The following CCDC170 variants were observed in gnomAD, a reference collection of about 807,000 sequenced individuals.
CCDC170 encodes the protein coiled-coil domain-containing protein 170.
In CCDC170, 69 loss-of-function variants were observed where a neutral mutation model predicts 72.6. The observed-to-expected ratio is 0.95, with a 90% CI of 0.78 to 1.16. The LOEUF (loss-of-function observed/expected upper bound fraction) is 1.16. Among genes scored for constraint, CCDC170 ranks in the 50% most tolerant of loss-of-function variants. CCDC170 has a pLI of 0.00. For synonymous variants in CCDC170, 300 were observed against 303.9 expected (o/e 0.99, Z 0.13); for missense variants, 852 against 832.5 (o/e 1.02, Z -0.29).
At chr6:151,576,691 T>C (rs575781693) in intron 6 of CCDC170, among the ~76,000 whole-genome samples, 1 of 152,288 alleles carries the variant, frequency 6.6e-6, no homozygotes, top group East Asian at 1.9e-4. Context: ...AAATCAAGCA[T>C]ATAGCTGGTG....
chr6:151,568,428 G>C (rs976436010), intron 5 of CCDC170, among the ~76,000 whole-genome samples: 2 of 152,186 alleles, frequency 1.3e-5, no homozygotes, highest in African/African-American at 2.4e-5. Flanking sequence ...AGTTTGGGAA[G>C]GGGGGAATGG....
chr6:151,591,900 A>C (rs763664120), intron 7 of CCDC170, among the ~76,000 whole-genome samples: 5 of 152,190 alleles, frequency 3.3e-5, no homozygotes, highest in Non-Finnish European at 4.4e-5. Flanking sequence ...TTGAGTTTGG[A>C]GTGCTCTGTA....
intron 7 of CCDC170, among the ~76,000 whole-genome samples, chr6:151,591,947 G>T (rs1275647283): frequency 6.9e-6 from 1 of 144,054 alleles, no homozygotes; most frequent in Non-Finnish European, 1.5e-5. Context: ...TGGCTAAGTT[G>T]CCAGTGACAA....
At chr6:151,576,073 A>C (rs970533571) in intron 6 of CCDC170, among the ~76,000 whole-genome samples, 1 of 152,262 alleles carries the variant, frequency 6.6e-6, no homozygotes, top group African/African-American at 2.4e-5. Context: ...AAAAATTTTC[A>C]ACTTGACGAT....
intron 5 of CCDC170, among the ~76,000 whole-genome samples, chr6:151,567,438 C>T (rs541963330): frequency 1.3e-5 from 2 of 151,820 alleles, no homozygotes; most frequent in African/African-American, 4.8e-5. Flanking sequence ...CACCATGTTG[C>T]CCAGGTTGGT....
intron 8 of CCDC170, among the ~76,000 whole-genome samples, chr6:151,594,104 T>G (rs6908061): frequency 0.082 from 12,419 of 152,238 alleles, 556 homozygotes; most frequent in African/African-American, 0.11. Context: ...AGATGAAAGG[T>G]ATAAAATATA....
chr6:151,532,116 C>T (rs375749612), intron 1 of CCDC170, among the ~76,000 whole-genome samples: 26 of 151,990 alleles, frequency 1.7e-4, no homozygotes, highest in African/African-American at 5.8e-4. Flanking sequence ...TCATTATTTA[C>T]AAATGATTTG....
intron 1 of CCDC170, among the ~76,000 whole-genome samples, chr6:151,518,325 G>T (rs1353166243): frequency 6.6e-6 from 1 of 152,128 alleles, no homozygotes; most frequent in Non-Finnish European, 1.5e-5. Context: ...AGCTCCAGGG[G>T]CTGAGGGGAT....
rs941881659 is a variant in CCDC170, at chr6:151,615,472, T to C, written c.1740T>C (p.Ile580=). ...AAACTTTGGAACAGACTAAAGCCAT[T>C]GAAGATCTAAACAAATCCAGAGACC... The part of the protein sequence containing the change: ...KIKTLEQTKA[I]EDLNKSRDQL... The change falls in exon 10 of 11, where the codon ATT becomes ATC. Residue 580 remains isoleucine, a synonymous_variant. Coordinates refer to ENST00000239374, the MANE Select transcript of CCDC170 (RefSeq NM_025059.4). 1 of 1,613,994 alleles carries C rather than the reference T, an allele frequency of 6.2e-7. No homozygotes were observed. The highest frequency in any genetic ancestry group is 8.5e-7 in the Non-Finnish European group (1 of 1,179,904).
chr6:151,574,083 T>C (rs1221195435), intron 6 of CCDC170, among the ~76,000 whole-genome samples: 1 of 152,108 alleles, frequency 6.6e-6, no homozygotes, highest in Non-Finnish European at 1.5e-5. Flanking sequence ...CTACTGAAAA[T>C]AAAAATTAAG....
chr6:151,521,788 C>T (rs1200723203), intron 1 of CCDC170, among the ~76,000 whole-genome samples: 1 of 151,992 alleles, frequency 6.6e-6, no homozygotes, highest in African/African-American at 2.4e-5. Context: ...TAGCGACCAT[C>T]CTGGCCAACA....
At chr6:151,590,260 TC>T (rs1352750020) in intron 7 of CCDC170, among the ~76,000 whole-genome samples, 1 of 152,216 alleles carries the variant, frequency 6.6e-6, no homozygotes, top group African/African-American at 2.4e-5. Flanking sequence ...AATCATTTTT[TC>T]CTGTATTTCT....
chr6:151,532,840 T>C (rs2115042519), intron 1 of CCDC170, among the ~76,000 whole-genome samples: 1 of 152,258 alleles, frequency 6.6e-6, no homozygotes, highest in African/African-American at 2.4e-5. Context: ...GAAAAATAAG[T>C]CCTACCAGAT....
At position 151,541,992 on chromosome 6, in the gene CCDC170, G is replaced by A. The variant is rs1007594260; in HGVS notation, c.444-2580G>A. ...CCTCTTAGGTTCAAGCAGTTCTCAT[G>A]CCTCAGCCTCTTGAGTAGCTGGGAT... On this transcript the variant is annotated intron_variant, in intron 3 of 10. Transcript: ENST00000239374. Among the ~76,000 whole-genome samples, 12 of 148,478 alleles carry A rather than the reference G, an allele frequency of 8.1e-5. No individual in the cohort carries two copies. In the East Asian group the frequency reaches 2.4e-3, roughly 30 times the overall value.
At chr6:151,535,897 A>G (rs910126316) in intron 1 of CCDC170, among the ~76,000 whole-genome samples, 1 of 151,822 alleles carries the variant, frequency 6.6e-6, no homozygotes, top group Non-Finnish European at 1.5e-5. Context: ...AGGTCATGAC[A>G]CCCTGCCTGA....
At chr6:151,604,337 C>A (rs1562297406) in intron 9 of CCDC170, among the ~76,000 whole-genome samples, 1 of 152,114 alleles carries the variant, frequency 6.6e-6, no homozygotes, top group Admixed American at 6.6e-5. Context: ...CTGCTTTGAG[C>A]TTTTCCCACT....
At chr6:151,542,100 G>C (rs1048097292) in intron 3 of CCDC170, among the ~76,000 whole-genome samples, 9 of 151,690 alleles carry the variant, frequency 5.9e-5, no homozygotes, top group Admixed American at 2.6e-4. Flanking sequence ...GACTGGTCTC[G>C]AGCTCCTGAC....
At chr6:151,616,313 C>T (rs1363148541) in intron 10 of CCDC170, among the ~76,000 whole-genome samples, 1 of 152,052 alleles carries the variant, frequency 6.6e-6, no homozygotes, top group Non-Finnish European at 1.5e-5. Context: ...TGCTTGCTGG[C>T]TACAAGAAGG....
At chr6:151,578,548 C>G (rs1211948396) in intron 6 of CCDC170, among the ~76,000 whole-genome samples, 1 of 152,162 alleles carries the variant, frequency 6.6e-6, no homozygotes, top group East Asian at 1.9e-4. Context: ...CTCGTTTTCA[C>G]TTCATCACCA....
Sources: allele counts gnomAD v4.1 joint callset (sites outside exome capture counted in the v4.1 genomes callset), GRCh38; gene constraint gnomAD v4.1.1; transcripts MANE v1.5; gene names NCBI Gene and HGNC (gene_info 2026-07-23, HGNC 2026-07-21).